PRKG1: variants seen among roughly 807,000 people sequenced by gnomAD.
PRKG1 encodes cGMP-dependent protein kinase 1.
A neutral mutation model predicts 88.1 loss-of-function variants in PRKG1; 35 were observed. The observed-to-expected ratio is 0.40, with a 90% CI of 0.30 to 0.53. The LOEUF (loss-of-function observed/expected upper bound fraction) is 0.53. Among genes scored for constraint, PRKG1 ranks in the 20% least tolerant of loss-of-function variants. The probability of loss-of-function intolerance (pLI) is 0.59; values close to 1 mark genes in which losing one functional copy is unlikely to be tolerated. For synonymous variants in PRKG1, 303 were observed against 292.5 expected (o/e 1.04, Z -0.37); for missense variants, 540 against 839.8 (o/e 0.64, Z 4.41).
chr10:51,734,222 T>C (rs974749293), intron 3 of PRKG1, among the ~76,000 whole-genome samples: 20 of 152,170 alleles, frequency 1.3e-4, no homozygotes, highest in African/African-American at 3.9e-4. Flanking sequence ...TTGGGGATGA[T>C]CAAGGTATGC....
chr10:51,814,256 C>T (rs930799793), intron 4 of PRKG1, among the ~76,000 whole-genome samples: 5 of 152,134 alleles, frequency 3.3e-5, no homozygotes, highest in Admixed American at 2.6e-4. Flanking sequence ...ATGAAGATGC[C>T]ACTTTTTGGG....
At chr10:51,257,653 T>G (rs1839599701) in intron 2 of PRKG1, among the ~76,000 whole-genome samples, 1 of 152,174 alleles carries the variant, frequency 6.6e-6, no homozygotes, top group Non-Finnish European at 1.5e-5. Flanking sequence ...TTCTGACACA[T>G]TCTACCAGCT....
chr10:51,908,962 C>T (rs961300110), intron 5 of PRKG1: 2 of 152,120 alleles, frequency 1.3e-5, no homozygotes, highest in African/African-American at 4.8e-5. Flanking sequence ...AAACTCCTGA[C>T]CTCGTGATCT....
At chr10:51,398,427 G>A (rs556140234) in intron 2 of PRKG1, among the ~76,000 whole-genome samples, 15 of 152,274 alleles carry the variant, frequency 9.9e-5, no homozygotes, top group South Asian at 4.2e-4. Flanking sequence ...TGTGTGGCCC[G>A]GTTCCTAACA....
At chr10:51,791,240 C>A (rs1002359127) in intron 3 of PRKG1, among the ~76,000 whole-genome samples, 1 of 152,126 alleles carries the variant, frequency 6.6e-6, no homozygotes, top group African/African-American at 2.4e-5. Context: ...CCTGTAGCAA[C>A]TAGGAGCTAT....
At chr10:51,057,261 TAA>T (rs1222000178) in intron 1 of PRKG1, among the ~76,000 whole-genome samples, 1 of 152,246 alleles carries the variant, frequency 6.6e-6, no homozygotes, top group Non-Finnish European at 1.5e-5. Context: ...TTTTATTTTC[TAA>T]AATCTAACAG....
chr10:51,380,392 T>G (rs1588897455), intron 2 of PRKG1, among the ~76,000 whole-genome samples: 1 of 152,336 alleles, frequency 6.6e-6, no homozygotes, highest in Admixed American at 6.5e-5. Flanking sequence ...TGCCTCCCCG[T>G]TAAGCATAAT....
chr10:51,222,321 A>T (rs1324246068), intron 2 of PRKG1, among the ~76,000 whole-genome samples: 1 of 152,002 alleles, frequency 6.6e-6, no homozygotes, highest in East Asian at 1.9e-4. Context: ...AGTCTGCCTC[A>T]TTTTCTTTTT....
intron 3 of PRKG1, among the ~76,000 whole-genome samples, chr10:51,570,471 G>T (rs551190070): frequency 1.3e-5 from 2 of 151,980 alleles, no homozygotes; most frequent in East Asian, 3.9e-4. Flanking sequence ...CCTTCAAATT[G>T]AGTAGTCTGA....
intron 4 of PRKG1, among the ~76,000 whole-genome samples, chr10:51,867,700 C>A (rs1426295881): frequency 6.6e-6 from 1 of 152,040 alleles, no homozygotes; most frequent in African/African-American, 2.4e-5. Flanking sequence ...TGGAGCTGAA[C>A]AGAGACAAGA....
chr10:51,446,783 G>A (rs1295706030), intron 2 of PRKG1, among the ~76,000 whole-genome samples: 1 of 152,016 alleles, frequency 6.6e-6, no homozygotes, highest in African/African-American at 2.4e-5. Context: ...CCTGCCGTAG[G>A]CATTTTCTTA....
chr10:52,172,149 T>G (rs541606274), intron 9 of PRKG1, among the ~76,000 whole-genome samples: 1 of 152,384 alleles, frequency 6.6e-6, no homozygotes, highest in African/African-American at 2.4e-5. Flanking sequence ...ATTTTTGCTC[T>G]GCAGCGCTTA....
intron 5 of PRKG1, among the ~76,000 whole-genome samples, chr10:51,973,199 A>G (rs1348877111): frequency 6.6e-6 from 1 of 152,174 alleles, no homozygotes; most frequent in Non-Finnish European, 1.5e-5. Context: ...CCAGGAGCTG[A>G]AAAACACTGT....
chr10:52,055,366 A>G (rs1024459655), intron 6 of PRKG1, among the ~76,000 whole-genome samples: 51 of 152,192 alleles, frequency 3.4e-4, no homozygotes, highest in African/African-American at 1.2e-3. Context: ...AGAAATATTG[A>G]TAGTAAAAAC....
chr10:51,456,232 A>T (rs658134), intron 2 of PRKG1, among the ~76,000 whole-genome samples: 53,218 of 151,560 alleles, frequency 0.35, 10,327 homozygotes, highest in African/African-American at 0.51. Context: ...TATGGGGGAA[A>T]CCGCCCCCCA....
At chr10:51,413,610 C>A (rs1371800952) in intron 2 of PRKG1, among the ~76,000 whole-genome samples, 29 of 152,116 alleles carry the variant, frequency 1.9e-4, no homozygotes. Context: ...CAGTCTGCCT[C>A]TGCCTCCCAA....
At chr10:51,175,499 C>T (rs185960815) in intron 2 of PRKG1, among the ~76,000 whole-genome samples, 2 of 152,110 alleles carry the variant, frequency 1.3e-5, no homozygotes, top group Admixed American at 1.3e-4. Context: ...ATCAAATTAT[C>T]TGTTGTCAAA....
At chr10:51,821,670 C>A (rs930100477) in intron 4 of PRKG1, among the ~76,000 whole-genome samples, 2 of 141,454 alleles carry the variant, frequency 1.4e-5, no homozygotes, top group African/African-American at 2.9e-5. Flanking sequence ...AGCACATTGA[C>A]CTGTATTGAC....
Position 50,991,279 on chromosome 10 carries a change from A to C in PRKG1, c.-100A>C, listed in dbSNP as rs1842777646. ...GTACTTAGCGCCCATTCACTCGCTC[A>C]CCCGCGCTCTCCGCTGCCGGCTGCC... On this transcript the variant is annotated 5_prime_UTR_variant, in exon 1 of 18. Transcript: ENST00000401604. This position sits in a 1 kb window ranked among gnomAD's most constrained non-coding sequence, Gnocchi z 4.5. 12 of 1,441,592 alleles carry C rather than the reference A, an allele frequency of 8.3e-6. No individual in the cohort carries two copies. The highest frequency in any genetic ancestry group is 1.0e-5 in the Non-Finnish European group (11 of 1,097,458). The allele number at this position is 1,441,592 out of a possible 1,614,324, so 89.3% of individuals were successfully genotyped here. A position where few individuals can be genotyped will look rare whatever the true frequency, so the allele number is the denominator to read the frequency against.
Sources: allele counts gnomAD v4.1 joint callset (sites outside exome capture counted in the v4.1 genomes callset), GRCh38; gene constraint gnomAD v4.1.1; non-coding constraint Gnocchi (gnomAD v3.1); transcripts MANE v1.5; gene names NCBI Gene and HGNC (gene_info 2026-07-23, HGNC 2026-07-21).